AGBL1: variants seen among roughly 807,000 people sequenced by gnomAD.
AGBL1 encodes the protein cytosolic carboxypeptidase 4.
A neutral mutation model predicts 118.9 loss-of-function variants in AGBL1; 130 were observed. The observed-to-expected ratio is 1.09, with a 90% CI of 0.95 to 1.26. The LOEUF is 1.26. AGBL1 is among the 50% of genes most tolerant of loss of function. The pLI is 0.00. For synonymous variants in AGBL1, 555 were observed against 478.9 expected (o/e 1.16, Z -2.08); for missense variants, 1,584 against 1,298.1 (o/e 1.22, Z -3.38).
At position 86,783,125 on chromosome 15, in the gene AGBL1, G is replaced by T. The variant is rs554357059; in HGVS notation, c.3158+108689G>T. 4.6e-5 allele frequency among the ~76,000 whole-genome samples: 7 copies of T among 152,288 alleles called. No individual in the cohort carries two copies. In the South Asian group the frequency reaches 1.5e-3, roughly 32 times the overall value. ...TGCTTATGCTTTCCAGTTGTTATAA[G>T]AAGTTATTCCACCAAATGAAATTGC... On this transcript the variant is annotated intron_variant, in intron 22 of 22. Coordinates refer to ENST00000614907, the MANE Select transcript of AGBL1 (RefSeq NM_001386094.1).
At chr15:86,792,761 G>C (rs1283352483) in intron 22 of AGBL1, among the ~76,000 whole-genome samples, 3 of 152,002 alleles carry the variant, frequency 2.0e-5, no homozygotes, top group Non-Finnish European at 4.4e-5. Context: ...GGACAACATG[G>C]CAAAACCCCA....
chr15:86,807,078 T>C (rs569442939), intron 22 of AGBL1, among the ~76,000 whole-genome samples: 30 of 152,276 alleles, frequency 2.0e-4, no homozygotes, highest in African/African-American at 6.5e-4. Context: ...CATATACTAA[T>C]TGTGGAACTG....
At chr15:86,596,244 C>G (rs1422388635) in intron 21 of AGBL1, among the ~76,000 whole-genome samples, 1 of 152,054 alleles carries the variant, frequency 6.6e-6, no homozygotes, top group South Asian at 2.1e-4. Flanking sequence ...CCCTAATGAT[C>G]ATTTATTGCC....
chr15:86,287,711 A>C (rs769019974), intron 16 of AGBL1, among the ~76,000 whole-genome samples: 4 of 152,168 alleles, frequency 2.6e-5, no homozygotes, highest in Non-Finnish European at 5.9e-5. Context: ...GCAAGGACCC[A>C]TGTGGTCATA....
chr15:86,819,385 C>T (rs1489413532), intron 22 of AGBL1, among the ~76,000 whole-genome samples: 3 of 151,982 alleles, frequency 2.0e-5, no homozygotes, highest in Non-Finnish European at 2.9e-5. Flanking sequence ...AATAAGAAAA[C>T]CCCATTGTCT....
chr15:86,205,086 G>A (rs1227796609), intron 5 of AGBL1, among the ~76,000 whole-genome samples: 1 of 152,150 alleles, frequency 6.6e-6, no homozygotes, highest in Admixed American at 6.5e-5. Context: ...GTCAAACAGG[G>A]CAGAACCTTT....
chr15:86,919,267 C>T (rs1445115143), downstream of AGBL1, among the ~76,000 whole-genome samples: 1 of 152,200 alleles, frequency 6.6e-6, no homozygotes, highest in Admixed American at 6.5e-5. Flanking sequence ...AGGAGAAACA[C>T]ACCTTGGTCC....
rs183167674 is a variant in AGBL1, at chr15:87,003,909, A to C, written c.3323+15821A>C. Among the ~76,000 whole-genome samples, 28 of 151,684 alleles carry C rather than the reference A, an allele frequency of 1.8e-4. 1 individual carries two copies. The East Asian group carries it at 4.6e-3, about 25-fold the overall frequency. ...CTATCAATTTGTTGATCTTTTCAAA[A>C]AACCAGCTCCTGGATTCATTGATTT... is the stretch of plus-strand genomic sequence containing the variant. On this transcript the variant is annotated intron_variant, in intron 24 of 24. Transcript: ENST00000441037.
chr15:86,897,503 TTC>T (rs2080145075), intron 22 of AGBL1, among the ~76,000 whole-genome samples: 1 of 152,106 alleles, frequency 6.6e-6, no homozygotes, highest in Admixed American at 6.5e-5. Flanking sequence ...ATTAACTTCT[TTC>T]TTATATATTT....
At chr15:86,858,567 G>C (rs1032999882) in intron 22 of AGBL1, among the ~76,000 whole-genome samples, 1 of 150,964 alleles carries the variant, frequency 6.6e-6, no homozygotes, top group Non-Finnish European at 1.5e-5. Context: ...AAACATTCAC[G>C]GACAACCTAT....
rs898705682 is a variant in AGBL1 at position 86,912,356 on chromosome 15, C to T, written c.*5062C>T. 1.8e-4 allele frequency: 28 copies of T among 152,104 alleles called. No individual in the cohort carries two copies. The highest frequency in any genetic ancestry group is 6.8e-4 in the African/African-American group (28 of 41,402). The allele number at this position is 152,104 out of a possible 1,614,324, so 9.4% of individuals were successfully genotyped here. On this transcript the variant is annotated 3_prime_UTR_variant, in exon 23 of 23. Coordinates refer to ENST00000614907, the MANE Select transcript of AGBL1 (RefSeq NM_001386094.1). ...ATCTCCAAGGGTTCCCAGGAGCTGC[C>T]ACATTTACCCAGGGGCTCTGCCTCC...
rs146697058 is a variant in AGBL1, at chr15:86,911,134, AGAG to A, written c.*3844_*3846del. ...GAAGCAAATGTGGTCCAAAATGTGCAGAGGAGAGAGGAGAGTCCAGAGAGGCGA... is the reference window on the plus strand; with the variant it reads ...GAAGCAAATGTGGTCCAAAATGTGCAGAGAGAGGAGAGTCCAGAGAGGCGA... On this transcript the variant is annotated 3_prime_UTR_variant, in exon 23 of 23. Transcript: ENST00000614907. The A allele has an allele frequency of 7.4e-3, 1,122 of 152,556 alleles. 15 individuals carry two copies. Among genetic ancestry groups the A allele is most frequent in the Non-Finnish European group, 7.6e-3 (521 of 68,192 alleles). 9.5% of individuals were successfully genotyped at this position (152,556 alleles called of 1,614,324 possible). A position where few individuals can be genotyped will look rare whatever the true frequency, so the allele number is the denominator to read the frequency against.
chr15:86,469,327 A>G (rs1175435102), intron 18 of AGBL1, among the ~76,000 whole-genome samples: 3 of 152,200 alleles, frequency 2.0e-5, no homozygotes, highest in Admixed American at 6.5e-5. Context: ...TATAAGTGAG[A>G]CCATGTAGTA....
intron 23 of AGBL1, among the ~76,000 whole-genome samples, chr15:86,968,615 T>C (rs1029803990): frequency 6.6e-6 from 1 of 151,900 alleles, no homozygotes; most frequent in Non-Finnish European, 1.5e-5. Flanking sequence ...TACCCTGGCA[T>C]AAAAATGAGG....
At chr15:86,480,166 C>T (rs1466372195) in intron 18 of AGBL1, among the ~76,000 whole-genome samples, 1 of 152,122 alleles carries the variant, frequency 6.6e-6, no homozygotes, top group African/African-American at 2.4e-5. Context: ...AGCACACCAA[C>T]ATGGCACATG....
At chr15:86,986,034 C>T (rs1596709361) in intron 23 of AGBL1, among the ~76,000 whole-genome samples, 1 of 152,024 alleles carries the variant, frequency 6.6e-6, no homozygotes, top group Admixed American at 6.6e-5. Flanking sequence ...AGCCATTCTC[C>T]TGTCTCAGAC....
At chr15:86,937,518 G>T (rs1252648754) in intron 23 of AGBL1, among the ~76,000 whole-genome samples, 1 of 152,154 alleles carries the variant, frequency 6.6e-6, no homozygotes, top group East Asian at 1.9e-4. Context: ...GGAGCTAGAG[G>T]CCATTATCCT....
At chr15:86,207,630 T>C (rs2078016399) in intron 5 of AGBL1, among the ~76,000 whole-genome samples, 1 of 152,204 alleles carries the variant, frequency 6.6e-6, no homozygotes, top group Non-Finnish European at 1.5e-5. Context: ...TATTGGTGTA[T>C]AGGAATGCTT....
chr15:86,822,808 AG>A (rs1240394469), intron 22 of AGBL1, among the ~76,000 whole-genome samples: 1 of 152,284 alleles, frequency 6.6e-6, no homozygotes, highest in African/African-American at 2.4e-5. Flanking sequence ...GCTAAACTGT[AG>A]GGAAAGAGAT....
Sources: allele counts gnomAD v4.1 joint callset (sites outside exome capture counted in the v4.1 genomes callset), GRCh38; gene constraint gnomAD v4.1.1; transcripts MANE v1.5; gene names NCBI Gene and HGNC (gene_info 2026-07-23, HGNC 2026-07-21).